TMBIM6: variants seen among roughly 807,000 people sequenced by gnomAD.
TMBIM6 encodes transmembrane BAX inhibitor motif containing 6, also known as bax inhibitor 1.
A neutral mutation model predicts 31.4 loss-of-function variants in TMBIM6; 13 were observed. The ratio of observed to expected loss-of-function variants is 0.41; its 90% CI spans 0.27 to 0.66. The LOEUF (loss-of-function observed/expected upper bound fraction) is 0.66, where lower values mean the gene tolerates loss of function less well. Among genes scored for constraint, TMBIM6 ranks in the 30% least tolerant of loss-of-function variants. The pLI, the probability that TMBIM6 is intolerant of heterozygous loss-of-function variation, is 0.28. For synonymous variants in TMBIM6, 85 were observed against 101.7 expected, an observed-to-expected ratio of 0.84 and a Z score of 0.99; for missense variants, 275 against 289.5, an observed-to-expected ratio of 0.95 and a Z score of 0.36.
intron 4 of TMBIM6, among the ~76,000 whole-genome samples, chr12:49,757,393 A>G (rs374028440): frequency 1.7e-4 from 26 of 152,328 alleles, no homozygotes; most frequent in African/African-American, 6.0e-4. Flanking sequence ...CATACTGGCA[A>G]TTATCATAGG....
chr12:49,752,936 C>G (rs745974890), intron 2 of TMBIM6, 37 bp from the exon 3 acceptor site: 2 of 1,570,462 alleles, frequency 1.3e-6, no homozygotes, highest in African/African-American at 1.4e-5. Context: ...TGAGATTGAT[C>G]TGGGACTGAT....
chr12:49,744,922 A>T lies in TMBIM6; in HGVS notation c.-31+3311A>T, dbSNP rs189224980. Among the ~76,000 whole-genome samples the T allele has an allele frequency of 1.1e-3, 160 of 152,236 alleles. 2 individuals are homozygous for T. The highest frequency in any genetic ancestry group is 9.8e-3 in the Admixed American group (150 of 15,294). On this transcript the variant is annotated intron_variant, in intron 1 of 9. Transcript: ENST00000267115. Reference sequence around the variant, plus strand: ...TATCTGTCAAACGTTATAGAGAGGGAGATGAAGTAGTGTCAACGTTTGGTA... The same window carrying T: ...TATCTGTCAAACGTTATAGAGAGGGTGATGAAGTAGTGTCAACGTTTGGTA...
At chr12:49,758,817 C>CA in intron 7 of TMBIM6, 55 bp downstream of exon 7, 1 of 1,344,838 alleles carries the variant, frequency 7.4e-7, no homozygotes, top group Non-Finnish European at 1.0e-6. Context: ...TTCTTTCTTT[C>CA]CTTTTTTTTT....
Position 49,752,468 on chromosome 12 carries a change from G to C in TMBIM6, c.-26G>C, listed in dbSNP as rs748064186. 1.2e-6 allele frequency: 2 copies of C among 1,610,362 alleles called. No homozygotes were observed. The highest frequency in any genetic ancestry group is 1.1e-5 in the South Asian group (1 of 90,682). On this transcript the variant is annotated 5_prime_UTR_variant, in exon 2 of 10. Coordinates refer to ENST00000267115, the MANE Select transcript of TMBIM6 (RefSeq NM_003217.3). Reference sequence around the variant, plus strand: ...TAACCTTTCTTTATTCTGCAGAGTGGAGACTGCTGCACGGACTCTGGAACC... The same window carrying C: ...TAACCTTTCTTTATTCTGCAGAGTGCAGACTGCTGCACGGACTCTGGAACC...
chr12:49,747,787 T>C (rs1265330465), intron 1 of TMBIM6, among the ~76,000 whole-genome samples: 1 of 152,242 alleles, frequency 6.6e-6, no homozygotes, highest in Non-Finnish European at 1.5e-5. Context: ...ATAGAACGCA[T>C]ACTAAATCCA....
chr12:49,757,753 G>T (rs569704481), intron 4 of TMBIM6, among the ~76,000 whole-genome samples: 1 of 152,318 alleles, frequency 6.6e-6, no homozygotes, highest in Admixed American at 6.5e-5. Context: ...GCTGGAACAG[G>T]TTGCCCTCCT....
Position 49,761,795 on chromosome 12 carries a change from A to G in TMBIM6, c.690+16A>G. On this transcript the variant is annotated intron_variant, in intron 9 of 9. Coordinates refer to ENST00000267115, the MANE Select transcript of TMBIM6 (RefSeq NM_003217.3). ...GAATGAAAAGGTTAGTTAGCCTACA[A>G]CCCAAAGATGAGACAATAATGGCTC... The G allele has an allele frequency of 6.2e-7, 1 of 1,613,370 alleles. No homozygotes were observed. The highest frequency in any genetic ancestry group is 8.5e-7 in the Non-Finnish European group (1 of 1,179,324).
chr12:49,755,682 G>C lies in TMBIM6; in HGVS notation c.213G>C (p.Leu71=). Residue 71 remains leucine (L), a synonymous_variant, in exon 4 of 10, where the codon CTG becomes CTC. Coordinates refer to ENST00000267115, the MANE Select transcript of TMBIM6 (RefSeq NM_003217.3). ...ALGSLILMIW[L]MATPHSHETE... is the part of the protein sequence containing the mutation. ...GCTCCCTGATATTGATGATTTGGCT[G>C]ATGGCAACACCTCATAGCCATGAAA... The C allele has an allele frequency of 6.2e-7, 1 of 1,614,162 alleles. No individual in the cohort carries two copies. The highest frequency in any genetic ancestry group is 8.5e-7 in the Non-Finnish European group (1 of 1,180,008).
chr12:49,759,164 G>GTT, intron 7 of TMBIM6, 57 bp from the exon 8 acceptor site: 6 of 1,422,460 alleles, frequency 4.2e-6, no homozygotes, highest in South Asian at 2.3e-5. Context: ...AGTATGGCTG[G>GTT]TTTTTTTTTC....
chr12:49,746,698 A>G (rs1945400460), intron 1 of TMBIM6, among the ~76,000 whole-genome samples: 1 of 152,166 alleles, frequency 6.6e-6, no homozygotes, highest in Non-Finnish European at 1.5e-5. Flanking sequence ...TGCAGGGGAC[A>G]TGGTTATACA....
Position 49,741,931 on chromosome 12 carries a change from C to T in TMBIM6, c.-31+320C>T. 1.2e-5 allele frequency: 9 copies of T among 750,104 alleles called. 1 individual carries two copies. The highest frequency in any genetic ancestry group is 1.8e-5 in the Non-Finnish European group (9 of 486,588). 46.5% of individuals were successfully genotyped at this position (750,104 alleles called of 1,614,324 possible). ...TCTCAGCCCGCCTTTTCCTTTCTCCCGCTCCTTCTCCTCTACTAAGTGTAG... is the reference window on the plus strand; with the variant it reads ...TCTCAGCCCGCCTTTTCCTTTCTCCTGCTCCTTCTCCTCTACTAAGTGTAG... On this transcript the variant is annotated intron_variant, in intron 1 of 9. Transcript: ENST00000267115.
chr12:49,746,293 G>A (rs560799015), intron 1 of TMBIM6, among the ~76,000 whole-genome samples: 68 of 151,696 alleles, frequency 4.5e-4, no homozygotes, highest in Non-Finnish European at 8.1e-4. Context: ...TGTGTTGGCT[G>A]GGCTGGTCTC....
At chr12:49,755,310 T>C (rs990972983) in intron 3 of TMBIM6, among the ~76,000 whole-genome samples, 13 of 152,174 alleles carry the variant, frequency 8.5e-5, no homozygotes, top group African/African-American at 3.1e-4. Context: ...GAATGTACTT[T>C]AAGCACTTGT....
chr12:49,753,091 A>AT lies in TMBIM6; in HGVS notation c.165+14dup. The AT allele has an allele frequency of 6.2e-7, 1 of 1,607,844 alleles. No individual in the cohort carries two copies. Among genetic ancestry groups the AT allele is most frequent in the Non-Finnish European group, 8.5e-7 (1 of 1,176,404 alleles). ...CACTCATTTCATTCAGGTAAGAACGATTTTCTCTCCTGGTTGCTGTGGTAC... is the reference window on the plus strand; with the variant it reads ...CACTCATTTCATTCAGGTAAGAACGATTTTTCTCTCCTGGTTGCTGTGGTAC... On this transcript the variant is annotated intron_variant, in intron 3 of 9. Coordinates refer to ENST00000267115, the MANE Select transcript of TMBIM6 (RefSeq NM_003217.3).
intron 3 of TMBIM6, 148 bp downstream of exon 3, chr12:49,753,229 T>G: frequency 1.6e-6 from 1 of 615,866 alleles, no homozygotes. Context: ...TCAGGACATG[T>G]AAAGCCATTT....
intron 4 of TMBIM6, among the ~76,000 whole-genome samples, chr12:49,757,456 T>G (rs1945626093): frequency 6.6e-6 from 1 of 152,206 alleles, no homozygotes; most frequent in South Asian, 2.1e-4. Flanking sequence ...CATTGAGATC[T>G]ATTGTGCAGG....
At chr12:49,755,796 A>G (rs760656736) in intron 4 of TMBIM6, 41 bp downstream of exon 4, 1 of 1,549,634 alleles carries the variant, frequency 6.5e-7, no homozygotes, top group Non-Finnish European at 8.7e-7. Context: ...GGTGAGCTAT[A>G]TTTTCAGTAT....
chr12:49,755,831 T>C, intron 4 of TMBIM6, 76 bp downstream of exon 4: 1 of 1,494,400 alleles, frequency 6.7e-7, no homozygotes, highest in Non-Finnish European at 9.0e-7. Flanking sequence ...CCCCCCCTTT[T>C]TTTTTCTTTT....
chr12:49,763,000 A>G lies in TMBIM6; in HGVS notation c.*104A>G, dbSNP rs899959941. On this transcript the variant is annotated 3_prime_UTR_variant, in exon 10 of 10. Transcript: ENST00000267115. The stretch of plus-strand genomic sequence containing the variant: ...GTGTTCTGTGATAATGAAAAGCATC[A>G]GAAAAGCTTTTGTACTTTGTGGTTT... 6 of 1,293,094 alleles carry G rather than the reference A, an allele frequency of 4.6e-6. No individual in the cohort carries two copies. The highest frequency in any genetic ancestry group is 4.3e-6 in the Non-Finnish European group (4 of 926,918). 80.1% of individuals were successfully genotyped at this position (1,293,094 alleles called of 1,614,324 possible). A position where few individuals can be genotyped will look rare whatever the true frequency, so the allele number is the denominator to read the frequency against.
Sources: gnomAD v4.1 joint callset for allele counts (sites outside exome capture counted in the v4.1 genomes callset) on GRCh38, gnomAD v4.1.1 for gene constraint, MANE v1.5 for transcripts, NCBI Gene and HGNC (gene_info 2026-07-23, HGNC 2026-07-21) for gene names.